Variants in PPP6C observed in about 807,000 individuals in gnomAD.
The protein encoded by PPP6C is protein phosphatase 6 catalytic subunit, also known as serine/threonine-protein phosphatase 6 catalytic subunit.
PPP6C carries 11 observed loss-of-function variants against 39.8 expected under a neutral mutation model. The ratio of observed to expected loss-of-function variants is 0.28; its 90% confidence interval spans 0.17 to 0.46. PPP6C has a LOEUF of 0.46. PPP6C is among the 20% of genes least tolerant of loss of function. The probability of loss-of-function intolerance (pLI) is 1.00; values close to 1 mark genes in which losing one functional copy is unlikely to be tolerated. For synonymous variants in PPP6C, 129 were observed against 130.3 expected (o/e 0.99, Z 0.07); for missense variants, 211 against 373.9 (o/e 0.56, Z 3.59).
At position 125,149,694 on chromosome 9, in the gene PPP6C, C is replaced by T. The variant is rs140943299; in HGVS notation, c.897G>A (p.Thr299=). ...GGCCTCAAAGGAAATATGGCGTTGTCGTTCTGGGAGGAATAACACGTTCTG... is the reference window on the plus strand; with the variant it reads ...GGCCTCAAAGGAAATATGGCGTTGTTGTTCTGGGAGGAATAACACGTTCTG... ...PDSERVIPPR[T]TTPYFL is the part of the protein sequence containing the mutation. The change falls in exon 7 of 7, where the codon ACG becomes ACA. Residue 299 remains threonine, a synonymous_variant. Coordinates refer to ENST00000373547, the MANE Select transcript of PPP6C (RefSeq NM_002721.5). 1.9e-5 allele frequency: 31 copies of T among 1,613,992 alleles called. No individual in the cohort carries two copies. In the African/African-American group the frequency reaches 2.1e-4, roughly 11 times the overall value.
intron 6 of PPP6C, 88 bp downstream of exon 6, chr9:125,153,445 C>A: frequency 8.0e-7 from 1 of 1,250,484 alleles, no homozygotes; most frequent in African/African-American, 1.5e-5. Context: ...GTAAGCTAGA[C>A]TACAAGTTTG....
At chr9:125,172,017 A>T (rs994951098) in intron 1 of PPP6C, 1 of 460,972 alleles carries the variant, frequency 2.2e-6, no homozygotes. Flanking sequence ...AACAAATCAG[A>T]TATCCTTCAA....
intron 6 of PPP6C, chr9:125,150,620 T>C: frequency 8.7e-6 from 8 of 921,180 alleles, no homozygotes; most frequent in South Asian, 3.8e-5. Context: ...GATCACTTAG[T>C]GAAGAGTGCT....
In PPP6C at chr9:125,149,520, T is replaced by C; in HGVS notation, c.*153A>G. 1.0e-6 allele frequency: 1 copy of C among 973,594 alleles called. No homozygotes were observed. Among genetic ancestry groups the C allele is most frequent in the Non-Finnish European group, 1.5e-6 (1 of 685,936 alleles). 60.3% of individuals were successfully genotyped at this position (973,594 alleles called of 1,614,324 possible). A position where few individuals can be genotyped will look rare whatever the true frequency, so the allele number is the denominator to read the frequency against. Reference sequence around the variant, plus strand: ...TTGCTATAGACACCACAACAAACAATAAATTTAGATAATTTAAAATTTAAA... The same window carrying C: ...TTGCTATAGACACCACAACAAACAACAAATTTAGATAATTTAAAATTTAAA... On this transcript the variant is annotated 3_prime_UTR_variant, in exon 7 of 7. Transcript: ENST00000373547.
Position 125,182,801 on chromosome 9 carries a change from A to T in PPP6C, c.75+6843T>A, listed in dbSNP as rs1829445922. On this transcript the variant is annotated intron_variant, in intron 1 of 6. Transcript: ENST00000373547. ...CCCCTCCCCTGACCCAGCTGTGACA[A>T]CCAAAAATGTCTCCAGACACTGCCA... Among the ~76,000 whole-genome samples the T allele has an allele frequency of 1.3e-5, 2 of 150,504 alleles. 1 individual carries two copies. Among genetic ancestry groups the T allele is most frequent in the South Asian group, 4.3e-4 (2 of 4,664 alleles).
At chr9:125,165,384 A>G (rs1460606207) in intron 2 of PPP6C, among the ~76,000 whole-genome samples, 1 of 152,104 alleles carries the variant, frequency 6.6e-6, no homozygotes, top group African/African-American at 2.4e-5. Flanking sequence ...GGGTGACAAG[A>G]GTGAAATTCC....
chr9:125,169,250 T>A (rs563652858), intron 2 of PPP6C, among the ~76,000 whole-genome samples: 1 of 152,296 alleles, frequency 6.6e-6, no homozygotes, highest in East Asian at 1.9e-4. Flanking sequence ...AATAATCCTA[T>A]CTCACAGGAC....
intron 1 of PPP6C, among the ~76,000 whole-genome samples, chr9:125,172,443 G>T (rs1829191617): frequency 1.3e-5 from 2 of 152,062 alleles, no homozygotes; most frequent in Admixed American, 1.3e-4. Context: ...CCAACCTCAG[G>T]TGATCTGCCC....
intron 1 of PPP6C, chr9:125,188,894 G>T: frequency 6.5e-7 from 1 of 1,540,848 alleles, no homozygotes; most frequent in South Asian, 1.2e-5. Context: ...CTCTTACTTG[G>T]ACTCAGGAGT....
intron 1 of PPP6C, 105 bp from the exon 2 acceptor site, chr9:125,171,285 T>C (rs534397619): frequency 1.2e-6 from 1 of 846,042 alleles, no homozygotes; most frequent in African/African-American, 1.8e-5. Flanking sequence ...AAAACCCAAG[T>C]ATACTTTTTG....
rs543699113 is a variant in PPP6C, at chr9:125,170,721, G to T, written c.171+364C>A. Among the ~76,000 whole-genome samples the T allele has an allele frequency of 2.0e-5, 3 of 152,230 alleles. No homozygotes were observed. The South Asian group carries it at 6.2e-4, about 32-fold the overall frequency. ...CAATATATGACAGGAGAACAGAAATGAACTGAATGAAAAAAGTGCCTAACA... is the reference window on the plus strand; with the variant it reads ...CAATATATGACAGGAGAACAGAAATTAACTGAATGAAAAAAGTGCCTAACA... On this transcript the variant is annotated intron_variant, in intron 2 of 6. Coordinates refer to ENST00000373547, the MANE Select transcript of PPP6C (RefSeq NM_002721.5).
At chr9:125,157,360 T>C (rs1411755490) in intron 4 of PPP6C, among the ~76,000 whole-genome samples, 1 of 152,088 alleles carries the variant, frequency 6.6e-6, no homozygotes. Flanking sequence ...CAGAGATATA[T>C]GTAAAAGGAT....
intron 2 of PPP6C, among the ~76,000 whole-genome samples, chr9:125,161,830 T>C (rs1022905872): frequency 2.6e-5 from 4 of 152,208 alleles, no homozygotes; most frequent in Admixed American, 6.6e-5. Context: ...TAGCCCTAAT[T>C]TCCAAAGAAA....
intron 2 of PPP6C, among the ~76,000 whole-genome samples, chr9:125,161,549 CCCT>C (rs1254626144): frequency 2.6e-5 from 4 of 152,106 alleles, no homozygotes; most frequent in African/African-American, 9.7e-5. Context: ...GCTCAAGTAA[CCCT>C]CCTACCTTGC....
At chr9:125,169,247 C>T (rs1829090541) in intron 2 of PPP6C, among the ~76,000 whole-genome samples, 1 of 152,172 alleles carries the variant, frequency 6.6e-6, no homozygotes, top group African/African-American at 2.4e-5. Flanking sequence ...CAAAATAATC[C>T]TATCTCACAG....
intron 1 of PPP6C, among the ~76,000 whole-genome samples, chr9:125,178,819 G>C (rs1829361537): frequency 1.3e-5 from 2 of 152,158 alleles, no homozygotes; most frequent in Non-Finnish European, 2.9e-5. Context: ...TACTGGTGGT[G>C]AAAGTGTAAT....
At chr9:125,170,984 T>C in intron 2 of PPP6C, 101 bp downstream of exon 2, 1 of 712,612 alleles carries the variant, frequency 1.4e-6, no homozygotes. Context: ...CCACCAGTTG[T>C]GTTTGTTGAT....
At chr9:125,182,238 T>C (rs540068170) in intron 1 of PPP6C, among the ~76,000 whole-genome samples, 5 of 152,304 alleles carry the variant, frequency 3.3e-5, no homozygotes, top group African/African-American at 1.2e-4. Context: ...AAACACTGGG[T>C]TCTAAACTTT....
chr9:125,172,688 C>A (rs1829198307), intron 1 of PPP6C, among the ~76,000 whole-genome samples: 1 of 150,584 alleles, frequency 6.6e-6, no homozygotes, highest in Non-Finnish European at 1.5e-5. Context: ...GAGCCCTTAC[C>A]CAATAAAACT....
Sources: allele counts gnomAD v4.1 joint callset (sites outside exome capture counted in the v4.1 genomes callset), GRCh38; gene constraint gnomAD v4.1.1; transcripts MANE v1.5; gene names NCBI Gene and HGNC (gene_info 2026-07-23, HGNC 2026-07-21).